Variants in ELL2 observed in about 807,000 individuals in gnomAD.
ELL2 encodes RNA polymerase II elongation factor ELL2.
ELL2 carries 21 observed loss-of-function variants against 72.8 expected under a neutral mutation model. The ratio of observed to expected loss-of-function variants is 0.29; its 90% CI spans 0.20 to 0.42. The LOEUF (loss-of-function observed/expected upper bound fraction) is 0.42. Among genes scored for constraint, ELL2 ranks in the 10% least tolerant of loss-of-function variants. The probability of loss-of-function intolerance (pLI) is 1.00; values close to 1 mark genes in which losing one functional copy is unlikely to be tolerated. For missense variants in ELL2, 568 were observed against 772.8 expected, an observed-to-expected ratio of 0.73 and a Z score of 3.14; for synonymous variants, 266 against 283.2, an observed-to-expected ratio of 0.94 and a Z score of 0.61.
At chr5:95,893,725 T>C (rs6890954) in intron 9 of ELL2, among the ~76,000 whole-genome samples, 50,074 of 152,096 alleles carry the variant, frequency 0.33, 9,053 homozygotes, top group African/African-American at 0.49. Context: ...TTAGTTTTCT[T>C]ATGAGGCAAC....
intron 1 of ELL2, among the ~76,000 whole-genome samples, chr5:95,954,551 C>T (rs538083678): frequency 6.0e-5 from 9 of 149,096 alleles, no homozygotes; most frequent in East Asian, 3.9e-4. Flanking sequence ...GGACTACAGG[C>T]GCCTGCCACC....
At chr5:95,898,106 AAAC>A in intron 8 of ELL2, 131 bp downstream of exon 8, 3 of 736,662 alleles carry the variant, frequency 4.1e-6, no homozygotes, top group South Asian at 3.7e-5. Context: ...AAAAAAAAAA[AAAC>A]TGCTCAAAAG....
chr5:95,900,038 G>A, intron 7 of ELL2, among the ~76,000 whole-genome samples: 1 of 152,082 alleles, frequency 6.6e-6, no homozygotes, highest in Non-Finnish European at 1.5e-5. Flanking sequence ...ACTGGGGTGG[G>A]GAGGTGCGTC....
At chr5:95,895,300 G>A (rs956806787) in intron 9 of ELL2, among the ~76,000 whole-genome samples, 4 of 152,248 alleles carry the variant, frequency 2.6e-5, no homozygotes, top group African/African-American at 7.2e-5. Context: ...GAATGACTGT[G>A]CATTGATAAG....
intron 2 of ELL2, among the ~76,000 whole-genome samples, chr5:95,942,726 G>A (rs534376930): frequency 9.9e-5 from 15 of 152,174 alleles, no homozygotes; most frequent in South Asian, 8.3e-4. Context: ...CTTGATGTAC[G>A]TTATACTTCA....
chr5:95,930,279 C>CATT (rs1286225071), intron 2 of ELL2, among the ~76,000 whole-genome samples: 6 of 152,156 alleles, frequency 3.9e-5, no homozygotes, highest in African/African-American at 1.4e-4. Context: ...CGTTCTTTTG[C>CATT]ATTATGCCAG....
chr5:95,897,394 T>A (rs1189798730), intron 8 of ELL2, among the ~76,000 whole-genome samples: 1 of 135,550 alleles, frequency 7.4e-6, no homozygotes, highest in Non-Finnish European at 1.6e-5. Context: ...ACTTGGATCT[T>A]CTATGTGGTG....
chr5:95,922,965 G>C (rs961914342), intron 2 of ELL2, among the ~76,000 whole-genome samples: 11 of 152,310 alleles, frequency 7.2e-5, no homozygotes, highest in Middle Eastern at 3.4e-3. Flanking sequence ...GTAGTGGGAG[G>C]CCAGAGATAC....
At chr5:95,893,812 G>C (rs1179456133) in intron 9 of ELL2, among the ~76,000 whole-genome samples, 2 of 152,114 alleles carry the variant, frequency 1.3e-5, no homozygotes, top group Admixed American at 1.3e-4. Context: ...CTATATCTAT[G>C]TAAGACTAGT....
At chr5:95,896,712 T>C (rs1217939760) in intron 8 of ELL2, among the ~76,000 whole-genome samples, 1 of 152,226 alleles carries the variant, frequency 6.6e-6, no homozygotes, top group Non-Finnish European at 1.5e-5. Context: ...ATGCAGGGGA[T>C]GTGGGTCTAG....
At chr5:95,960,654 T>A (rs370849505) in intron 1 of ELL2, among the ~76,000 whole-genome samples, 1 of 151,626 alleles carries the variant, frequency 6.6e-6, no homozygotes, top group Admixed American at 6.6e-5. Context: ...CTTCCCAGAG[T>A]CAGCCCAAGA....
At chr5:95,929,005 C>G (rs778477382) in intron 2 of ELL2, among the ~76,000 whole-genome samples, 52 of 152,158 alleles carry the variant, frequency 3.4e-4, no homozygotes, top group Admixed American at 2.4e-3. Context: ...ACACGCTACT[C>G]TGTGTCCCCA....
intron 1 of ELL2, among the ~76,000 whole-genome samples, chr5:95,947,864 T>G (rs1469364371): frequency 2.2e-5 from 3 of 133,776 alleles, no homozygotes; most frequent in African/African-American, 9.9e-5. Flanking sequence ...GATTAAAAAC[T>G]GAAAAAAATA....
At chr5:95,911,151 C>T (rs1437216681) in intron 4 of ELL2, among the ~76,000 whole-genome samples, 2 of 151,864 alleles carry the variant, frequency 1.3e-5, no homozygotes, top group Admixed American at 6.6e-5. Context: ...CCCAAAGAGG[C>T]AGGAAGATAC....
intron 2 of ELL2, among the ~76,000 whole-genome samples, chr5:95,937,147 G>C (rs945721244): frequency 1.3e-5 from 2 of 152,192 alleles, no homozygotes; most frequent in African/African-American, 4.8e-5. Flanking sequence ...GTGAAGGACA[G>C]AGCAGGGTGA....
At chr5:95,900,886 C>T (rs1417264636) in intron 6 of ELL2, 70 bp downstream of exon 6, 6 of 1,562,106 alleles carry the variant, frequency 3.8e-6, no homozygotes, top group Non-Finnish European at 5.2e-6. Flanking sequence ...ATAACAATGA[C>T]TAAAATAATG....
intron 10 of ELL2, among the ~76,000 whole-genome samples, chr5:95,890,351 C>T (rs1010436182): frequency 1.3e-5 from 2 of 152,172 alleles, no homozygotes; most frequent in East Asian, 1.9e-4. Flanking sequence ...CATTGTCTCA[C>T]GTAGGCTCCA....
At chr5:95,890,665 G>A (rs1329817881) in intron 10 of ELL2, among the ~76,000 whole-genome samples, 1 of 152,124 alleles carries the variant, frequency 6.6e-6, no homozygotes, top group Non-Finnish European at 1.5e-5. Context: ...TGTGTATTAA[G>A]CCCTCTTTAT....
chr5:95,952,352 G>T (rs532709679), intron 1 of ELL2, among the ~76,000 whole-genome samples: 1 of 152,110 alleles, frequency 6.6e-6, no homozygotes, highest in South Asian at 2.1e-4. Context: ...TACCTATTGG[G>T]TACTATGCTT....
Sources: gnomAD v4.1 joint callset for allele counts (sites outside exome capture counted in the v4.1 genomes callset) on GRCh38, gnomAD v4.1.1 for gene constraint, MANE v1.5 for transcripts, NCBI Gene and HGNC (gene_info 2026-07-23, HGNC 2026-07-21) for gene names.